GRIK4: variants seen among roughly 807,000 people sequenced by gnomAD.
GRIK4 encodes glutamate ionotropic receptor kainate type subunit 4.
Under a neutral mutation model 104.9 loss-of-function variants are expected in GRIK4, and 40 were observed. The observed-to-expected ratio is 0.38, with a 90% confidence interval of 0.30 to 0.50. The LOEUF (loss-of-function observed/expected upper bound fraction) is 0.50, where lower values mean the gene tolerates loss of function less well. GRIK4 is among the 20% of genes least tolerant of loss of function. The pLI is 0.93. For missense variants in GRIK4, 1,047 were observed against 1,308.1 expected (o/e 0.80, Z 3.08); for synonymous variants, 485 against 524.9 (o/e 0.92, Z 1.04).
In GRIK4 at chr11:120,719,089, TA is replaced by T. The variant is rs1950887482; in HGVS notation, c.82+58692del. Among the ~76,000 whole-genome samples the T allele has an allele frequency of 2.0e-5, 3 of 152,286 alleles. No homozygotes were observed. The East Asian group carries it at 5.8e-4, about 29-fold the overall frequency. On this transcript the variant is annotated intron_variant, in intron 3 of 20. Coordinates refer to ENST00000527524, the MANE Select transcript of GRIK4 (RefSeq NM_014619.5). Reference sequence around the variant, plus strand: ...GTAAGTTGCATAATTGAGTTTTTTTTAAAGTGTATAATGAATATTTTGAATT... The same window carrying T: ...GTAAGTTGCATAATTGAGTTTTTTTTAAGTGTATAATGAATATTTTGAATT...
chr11:120,891,743 T>C (rs1955303747), intron 11 of GRIK4, among the ~76,000 whole-genome samples: 1 of 152,086 alleles, frequency 6.6e-6, no homozygotes, highest in Non-Finnish European at 1.5e-5. Flanking sequence ...CATCGATGAA[T>C]GTTTGGAAGG....
intron 1 of GRIK4, among the ~76,000 whole-genome samples, chr11:120,602,903 A>G (rs1259602999): frequency 3.9e-5 from 6 of 152,104 alleles, no homozygotes; most frequent in Admixed American, 6.5e-5. Context: ...AGGTCTCACT[A>G]TGTTGCCTAG....
chr11:120,678,741 C>A (rs1227500627), intron 3 of GRIK4, among the ~76,000 whole-genome samples: 3 of 152,042 alleles, frequency 2.0e-5, no homozygotes, highest in African/African-American at 7.2e-5. Flanking sequence ...TCAAGCAATT[C>A]TCCTGCCCCA....
chr11:120,855,850 A>G (rs1169520005), intron 8 of GRIK4, among the ~76,000 whole-genome samples: 1 of 152,246 alleles, frequency 6.6e-6, no homozygotes, highest in Admixed American at 6.5e-5. Flanking sequence ...GGCGTGAGCC[A>G]CCGCGCCCGG....
chr11:120,660,284 A>C lies in GRIK4; in HGVS notation c.-35A>C. On this transcript the variant is annotated 5_prime_UTR_variant, in exon 3 of 21. Coordinates refer to ENST00000527524, the MANE Select transcript of GRIK4 (RefSeq NM_014619.5). ...TCTCTCGCAGAGTTATGTCATGCCC[A>C]GGCCAGCAGGGGGCTCCATGAGGAT... 6.6e-7 allele frequency: 1 copy of C among 1,519,434 alleles called. No individual in the cohort carries two copies. The highest frequency in any genetic ancestry group is 9.1e-7 in the Non-Finnish European group (1 of 1,095,642). The allele number at this position is 1,519,434 out of a possible 1,614,324, so 94.1% of individuals were successfully genotyped here. A position where few individuals can be genotyped will look rare whatever the true frequency, so the allele number is the denominator to read the frequency against.
At chr11:120,545,407 G>T (rs1386116073) in intron 1 of GRIK4, among the ~76,000 whole-genome samples, 1 of 152,124 alleles carries the variant, frequency 6.6e-6, no homozygotes, top group Non-Finnish European at 1.5e-5. Context: ...AATGTAAGAG[G>T]GTGGAAATTG....
At chr11:120,602,559 A>G (rs1175843655) in intron 1 of GRIK4, among the ~76,000 whole-genome samples, 2 of 152,208 alleles carry the variant, frequency 1.3e-5, no homozygotes. Flanking sequence ...ACAGAGAAGT[A>G]AAAGAGCATG....
Position 120,626,018 on chromosome 11 carries a change from A to T in GRIK4, c.-158-27667A>T, listed in dbSNP as rs146831637. On this transcript the variant is annotated intron_variant, in intron 1 of 20. Transcript: ENST00000527524. ...GGTAGGATTACATCAAGGAGGATGA[A>T]ATTAAAGGCTTTTCATGGAAAGAGA... is the stretch of plus-strand genomic sequence containing the variant. Among the ~76,000 whole-genome samples the T allele has an allele frequency of 1.0e-3, 155 of 152,326 alleles. 1 individual carries two copies. The highest frequency in any genetic ancestry group is 3.7e-3 in the African/African-American group (154 of 41,584).
intron 1 of GRIK4, among the ~76,000 whole-genome samples, chr11:120,559,057 A>G (rs889832261): frequency 1.3e-5 from 2 of 152,230 alleles, no homozygotes; most frequent in African/African-American, 4.8e-5. Context: ...GAGATGGAGA[A>G]GCCTTCTCTG....
At chr11:120,911,625 T>G (rs1942997721) in intron 13 of GRIK4, among the ~76,000 whole-genome samples, 1 of 148,464 alleles carries the variant, frequency 6.7e-6, no homozygotes, top group Non-Finnish European at 1.5e-5. Flanking sequence ...GTGGATCACC[T>G]GAGGTCAGGA....
intron 13 of GRIK4, among the ~76,000 whole-genome samples, chr11:120,933,861 G>A (rs968049596): frequency 7.2e-5 from 11 of 152,146 alleles, no homozygotes; most frequent in Non-Finnish European, 1.3e-4. Context: ...TAGCATGGCT[G>A]TATGTAAGGG....
chr11:120,910,648 T>C (rs1175800933), intron 13 of GRIK4, among the ~76,000 whole-genome samples: 1 of 152,232 alleles, frequency 6.6e-6, no homozygotes, highest in Non-Finnish European at 1.5e-5. Context: ...CTCTGTCTCA[T>C]GCCAGTACAT....
intron 11 of GRIK4, among the ~76,000 whole-genome samples, chr11:120,879,795 C>G (rs1954914379): frequency 6.6e-6 from 1 of 152,220 alleles, no homozygotes; most frequent in South Asian, 2.1e-4. Context: ...TGCTGTCCAT[C>G]TCATATCCTC....
chr11:120,705,728 C>T (rs1194409227), intron 3 of GRIK4, among the ~76,000 whole-genome samples: 1 of 152,080 alleles, frequency 6.6e-6, no homozygotes, highest in East Asian at 1.9e-4. Flanking sequence ...CTTTTACCTC[C>T]TTAGTTAAAT....
At chr11:120,600,680 C>A (rs140921737) in intron 1 of GRIK4, among the ~76,000 whole-genome samples, 1 of 152,322 alleles carries the variant, frequency 6.6e-6, no homozygotes, top group East Asian at 1.9e-4. Context: ...GGCAGCATCA[C>A]AAATATGCAT....
chr11:120,823,981 G>A (rs981806190), intron 6 of GRIK4, among the ~76,000 whole-genome samples: 5 of 152,152 alleles, frequency 3.3e-5, no homozygotes, highest in East Asian at 3.9e-4. Context: ...ATGAGGGACC[G>A]AAGGGAAATG....
At chr11:120,835,099 A>G (rs1037660885) in intron 7 of GRIK4, among the ~76,000 whole-genome samples, 2 of 152,184 alleles carry the variant, frequency 1.3e-5, no homozygotes, top group Non-Finnish European at 1.5e-5. Flanking sequence ...CTCACCAAAG[A>G]GGCTTTGAGC....
At chr11:120,968,245 G>A (rs1944417646) in intron 19 of GRIK4, among the ~76,000 whole-genome samples, 1 of 152,186 alleles carries the variant, frequency 6.6e-6, no homozygotes, top group Non-Finnish European at 1.5e-5. Context: ...GTTTGCCCAG[G>A]ATGGTATAGT....
intron 3 of GRIK4, among the ~76,000 whole-genome samples, chr11:120,725,928 A>G (rs1951021127): frequency 6.6e-6 from 1 of 152,214 alleles, no homozygotes; most frequent in Admixed American, 6.5e-5. Context: ...GACAGACAAT[A>G]TTTTTATATA....
Sources: gnomAD v4.1 joint callset for allele counts (sites outside exome capture counted in the v4.1 genomes callset) on GRCh38, gnomAD v4.1.1 for gene constraint, MANE v1.5 for transcripts, NCBI Gene and HGNC (gene_info 2026-07-23, HGNC 2026-07-21) for gene names.